Variants in ZNF385D observed in about 807,000 individuals in gnomAD.
ZNF385D encodes zinc finger protein 385D, also known as zinc finger protein 659.
ZNF385D carries 15 observed loss-of-function variants against 35.8 expected under a neutral mutation model. The observed-to-expected ratio is 0.42, with a 90% CI of 0.28 to 0.64. The LOEUF (loss-of-function observed/expected upper bound fraction) is 0.64, where lower values mean the gene tolerates loss of function less well. Ranked by LOEUF, ZNF385D falls within the 30% of genes least tolerant of loss-of-function variation. The probability of loss-of-function intolerance (pLI) is 0.23; values close to 1 mark genes in which losing one functional copy is unlikely to be tolerated. For missense variants in ZNF385D, 474 were observed against 494.6 expected (o/e 0.96, Z 0.39); for synonymous variants, 212 against 186.8 (o/e 1.13, Z -1.10).
chr3:21,842,205 T>TTCTGC (rs575177433), intron 3 of ZNF385D, among the ~76,000 whole-genome samples: 23 of 152,114 alleles, frequency 1.5e-4, no homozygotes, highest in African/African-American at 7.2e-5. Context: ...TCACCTTGGA[T>TTCTGC]TCTGCTCTGC....
intron 3 of ZNF385D, among the ~76,000 whole-genome samples, chr3:21,856,939 G>A (rs1489888042): frequency 6.6e-6 from 1 of 152,026 alleles, no homozygotes; most frequent in Non-Finnish European, 1.5e-5. Flanking sequence ...ATGCAGAAGA[G>A]GCCAATCTAA....
At chr3:21,736,535 A>C (rs1482664392) in intron 1 of ZNF385D, among the ~76,000 whole-genome samples, 2 of 152,218 alleles carry the variant, frequency 1.3e-5, no homozygotes, top group African/African-American at 2.4e-5. Context: ...TCAAGGATCA[A>C]CCTTCTGGTT....
chr3:22,147,842 C>G (rs1472804463), intron 3 of ZNF385D, among the ~76,000 whole-genome samples: 1 of 152,066 alleles, frequency 6.6e-6, no homozygotes, highest in African/African-American at 2.4e-5. Flanking sequence ...GCTGCAGAAA[C>G]TAGGAAAGAA....
rs538333782 is a variant in ZNF385D at position 22,006,859 on chromosome 3, C to T, written c.325+161958G>A. The stretch of plus-strand genomic sequence containing the variant: ...GTGATAAGTAGAAACTGATACAAAA[C>T]CAACAGAGAGACATCAGAAACCAAG... On this transcript the variant is annotated intron_variant, in intron 3 of 5. Transcript: ENST00000494108. Among the ~76,000 whole-genome samples, 381 of 151,876 alleles carry T rather than the reference C, an allele frequency of 2.5e-3. 1 individual carries two copies. Among genetic ancestry groups the T allele is most frequent in the African/African-American group, 8.8e-3 (363 of 41,452 alleles).
chr3:22,201,979 T>C (rs1333374188), intron 2 of ZNF385D, among the ~76,000 whole-genome samples: 2 of 151,986 alleles, frequency 1.3e-5, no homozygotes, highest in Admixed American at 6.6e-5. Context: ...TAAAATGACA[T>C]ATTAAAAGAG....
chr3:22,087,954 A>G (rs564885159), intron 3 of ZNF385D, among the ~76,000 whole-genome samples: 1 of 152,302 alleles, frequency 6.6e-6, no homozygotes, highest in Admixed American at 6.5e-5. Flanking sequence ...AGTGTCATTT[A>G]TTTGACTGGG....
intron 3 of ZNF385D, among the ~76,000 whole-genome samples, chr3:21,919,613 GCT>G (rs1208322972): frequency 1.3e-5 from 2 of 152,168 alleles, no homozygotes; most frequent in Non-Finnish European, 1.5e-5. Context: ...CATATTAAAA[GCT>G]CTGATAATTG....
At chr3:21,910,596 A>C (rs2125912414) in intron 3 of ZNF385D, among the ~76,000 whole-genome samples, 1 of 152,016 alleles carries the variant, frequency 6.6e-6, no homozygotes, top group South Asian at 2.1e-4. Context: ...GCAAACCAAA[A>C]CCTATTCAGA....
chr3:21,571,105 C>T (rs983540651), intron 2 of ZNF385D, among the ~76,000 whole-genome samples: 28 of 152,038 alleles, frequency 1.8e-4, no homozygotes, highest in African/African-American at 6.5e-4. Context: ...ATATTTACAC[C>T]ATCCCAATAA....
chr3:22,065,843 T>A (rs1699920443), intron 3 of ZNF385D, among the ~76,000 whole-genome samples: 1 of 152,082 alleles, frequency 6.6e-6, no homozygotes, highest in Non-Finnish European at 1.5e-5. Context: ...ATCTCTTATC[T>A]CCTCATTTTG....
chr3:22,230,696 G>A (rs1335093561), intron 2 of ZNF385D, among the ~76,000 whole-genome samples: 1 of 152,182 alleles, frequency 6.6e-6, no homozygotes, highest in Non-Finnish European at 1.5e-5. Flanking sequence ...CATTTTCTAT[G>A]TGTAATTTGG....
intron 2 of ZNF385D, among the ~76,000 whole-genome samples, chr3:21,624,726 G>A (rs1219442067): frequency 6.6e-6 from 1 of 152,030 alleles, no homozygotes; most frequent in African/African-American, 2.4e-5. Flanking sequence ...CTTAGTGCCA[G>A]GCATTCCAGG....
chr3:21,459,335 T>A (rs906670034), intron 4 of ZNF385D: 4 of 152,158 alleles, frequency 2.6e-5, no homozygotes, highest in Admixed American at 2.0e-4. Context: ...TACTAACCTT[T>A]TTCCCAGATG....
intron 3 of ZNF385D, among the ~76,000 whole-genome samples, chr3:22,167,751 T>C (rs1263974625): frequency 2.6e-5 from 4 of 152,234 alleles, no homozygotes; most frequent in Non-Finnish European, 4.4e-5. Context: ...CTTATGCCTA[T>C]AGAATTTAAT....
chr3:21,817,066 A>C (rs1445939308), intron 3 of ZNF385D, among the ~76,000 whole-genome samples: 1 of 152,224 alleles, frequency 6.6e-6, no homozygotes, highest in Non-Finnish European at 1.5e-5. Context: ...CAAACCTGAC[A>C]AAAACAAGAA....
At chr3:21,445,063 C>G (rs1255870479) in intron 4 of ZNF385D, among the ~76,000 whole-genome samples, 2 of 152,176 alleles carry the variant, frequency 1.3e-5, no homozygotes, top group African/African-American at 4.8e-5. Context: ...GTCCAGTCCC[C>G]TGAGGAGATA....
chr3:21,781,191 A>C (rs562483429), intron 3 of ZNF385D, among the ~76,000 whole-genome samples: 1 of 150,662 alleles, frequency 6.6e-6, no homozygotes, highest in South Asian at 2.1e-4. Flanking sequence ...TAAATCTGGA[A>C]AAAGTATCTC....
intron 2 of ZNF385D, among the ~76,000 whole-genome samples, chr3:22,228,365 C>T (rs1438624675): frequency 1.3e-5 from 2 of 152,084 alleles, no homozygotes; most frequent in Non-Finnish European, 2.9e-5. Flanking sequence ...ACTGGTCCCC[C>T]TACCAACCCC....
chr3:21,575,297 A>C (rs1433378999), intron 2 of ZNF385D, among the ~76,000 whole-genome samples: 2 of 152,104 alleles, frequency 1.3e-5, no homozygotes, highest in African/African-American at 2.4e-5. Context: ...GTGGTGTTTA[A>C]TGGAGGTACA....
Sources: gnomAD v4.1 joint callset for allele counts (sites outside exome capture counted in the v4.1 genomes callset) on GRCh38, gnomAD v4.1.1 for gene constraint, MANE v1.5 for transcripts, NCBI Gene and HGNC (gene_info 2026-07-23, HGNC 2026-07-21) for gene names.